The following GNG7 variants were observed in gnomAD, a reference collection of about 807,000 sequenced individuals.
GNG7 encodes the protein G protein subunit gamma 7, also known as guanine nucleotide-binding protein G(I)/G(S)/G(O) subunit gamma-7.
GNG7 carries 1 observed loss-of-function variant against 4.0 expected under a neutral mutation model. The observed-to-expected ratio is 0.25, with a 90% CI of 0.09 to 1.18. The LOEUF is 1.18. Ranked by LOEUF, GNG7 falls within the 50% of genes most tolerant of loss-of-function variation. The probability of loss-of-function intolerance (pLI) is 0.50; values close to 1 mark genes in which losing one functional copy is unlikely to be tolerated. For missense variants in GNG7, 86 were observed against 91.9 expected, an observed-to-expected ratio of 0.94 and a Z score of 0.26; for synonymous variants, 34 against 36.9, an observed-to-expected ratio of 0.92 and a Z score of 0.29.
At chr19:2,701,644 C>T (rs1024568988) in intron 1 of GNG7, among the ~76,000 whole-genome samples, 2 of 148,672 alleles carry the variant, frequency 1.3e-5, no homozygotes, top group African/African-American at 5.0e-5. Flanking sequence ...CCCCAGACAA[C>T]CTCAACATCT....
intron 2 of GNG7, among the ~76,000 whole-genome samples, chr19:2,569,026 TACACAAAA>T (rs1980060735): frequency 6.7e-6 from 1 of 149,440 alleles, no homozygotes; most frequent in Admixed American, 6.7e-5. Flanking sequence ...CAGACACATA[TACACAAAA>T]GCACAAACAT....
chr19:2,582,771 C>T (rs961982737), intron 2 of GNG7, among the ~76,000 whole-genome samples: 4 of 147,764 alleles, frequency 2.7e-5, no homozygotes, highest in Admixed American at 7.0e-5. Context: ...CACGTTCAAG[C>T]GATTCTCCTG....
At chr19:2,686,576 C>T (rs1321737430) in intron 1 of GNG7, among the ~76,000 whole-genome samples, 4 of 152,216 alleles carry the variant, frequency 2.6e-5, no homozygotes, top group Middle Eastern at 3.4e-3. Context: ...GCAACACATT[C>T]GGGACCGGCA....
At chr19:2,629,388 G>C (rs1333323216) in intron 2 of GNG7, among the ~76,000 whole-genome samples, 1 of 152,146 alleles carries the variant, frequency 6.6e-6, no homozygotes, top group Admixed American at 6.5e-5. Context: ...GTGACAGCAG[G>C]CCACGCTCTT....
In GNG7 at chr19:2,540,072, C is replaced by T. The variant is rs546402687; in HGVS notation, c.-38+15077G>A. Among the ~76,000 whole-genome samples, 4 of 109,000 alleles carry T rather than the reference C, an allele frequency of 3.7e-5. No individual in the cohort carries two copies. In the East Asian group the frequency reaches 8.7e-4, roughly 24 times the overall value. The allele number at this position is 109,000 out of a possible 152,430, so 71.5% of individuals were successfully genotyped here. On this transcript the variant is annotated intron_variant, in intron 3 of 4. Coordinates refer to ENST00000382159, the MANE Select transcript of GNG7 (RefSeq NM_052847.3). ...TCCCTCCCTTCCTTCCCTCCTCCCT[C>T]CCTCTCTCTCTCTCTCTGTTTCTTT...
intron 1 of GNG7, among the ~76,000 whole-genome samples, chr19:2,654,881 A>G (rs1982925186): frequency 6.6e-6 from 1 of 152,100 alleles, no homozygotes; most frequent in Non-Finnish European, 1.5e-5. Context: ...CACCCACTCC[A>G]TGCCAGGGGC....
intron 2 of GNG7, among the ~76,000 whole-genome samples, chr19:2,584,476 T>C (rs1456351571): frequency 6.7e-6 from 1 of 148,648 alleles, no homozygotes; most frequent in Non-Finnish European, 1.5e-5. Context: ...CATGGTGATG[T>C]GTCCCAGCTA....
intron 1 of GNG7, among the ~76,000 whole-genome samples, chr19:2,699,587 T>C (rs10412559): frequency 0.19 from 29,292 of 152,056 alleles, 3,878 homozygotes; most frequent in East Asian, 0.56. Context: ...GGAGATGAGG[T>C]CGTTAAAGGA....
intron 3 of GNG7, among the ~76,000 whole-genome samples, chr19:2,528,408 T>TA (rs1197788787): frequency 0.083 from 8,218 of 99,254 alleles, 763 homozygotes; most frequent in African/African-American, 0.26. Flanking sequence ...CTGTCTCTAC[T>TA]AAAAAAAAAA....
rs1302271920 is a variant in GNG7, at chr19:2,634,955, C to T, written c.-78+11269G>A. Among the ~76,000 whole-genome samples the T allele has an allele frequency of 2.0e-5, 3 of 151,942 alleles. No individual in the cohort carries two copies. The highest frequency in any genetic ancestry group is 6.6e-5 in the Admixed American group (1 of 15,262). On this transcript the variant is annotated intron_variant, in intron 2 of 4. Transcript: ENST00000382159. This position sits in a 1 kb window ranked among gnomAD's most constrained non-coding sequence, Gnocchi z 5.3. The stretch of plus-strand genomic sequence containing the variant: ...AAAACACACTCGGTGATCTGGAGGT[C>T]GCAAAGTTCTTCCGCACTCAGTGAG...
chr19:2,619,992 G>T (rs1981823610), intron 2 of GNG7, among the ~76,000 whole-genome samples: 1 of 151,642 alleles, frequency 6.6e-6, no homozygotes. Context: ...GAGGTCGGGA[G>T]TTCAAGACCA....
In GNG7 at chr19:2,586,984, CAAAA is replaced by C. The variant is rs756891397; in HGVS notation, c.-77-31800_-77-31797del. ...TGGGTGACAGAGCGGGACTCCATCT[CAAAA>C]AAAAAAAAAAAAAAAAAAAAAGAAT... On this transcript the variant is annotated intron_variant, in intron 2 of 4. Transcript: ENST00000382159. Among the ~76,000 whole-genome samples the C allele has an allele frequency of 1.6e-4, 8 of 48,734 alleles. No individual in the cohort carries two copies. In the East Asian group the frequency reaches 2.2e-3, roughly 14 times the overall value. The allele number at this position is 48,734 out of a possible 152,430, so 32.0% of individuals were successfully genotyped here. A position where few individuals can be genotyped will look rare whatever the true frequency, so the allele number is the denominator to read the frequency against.
chr19:2,563,662 A>G (rs901417131), intron 2 of GNG7, among the ~76,000 whole-genome samples: 6 of 152,056 alleles, frequency 3.9e-5, no homozygotes, highest in African/African-American at 1.4e-4. Flanking sequence ...TGGAATTTTT[A>G]GTAGAGATGG....
chr19:2,568,131 A>G lies in GNG7; in HGVS notation c.-77-12943T>C, dbSNP rs531073830. On this transcript the variant is annotated intron_variant, in intron 2 of 4. Coordinates refer to ENST00000382159, the MANE Select transcript of GNG7 (RefSeq NM_052847.3). ...CATGCACATACACACATATAGACAT[A>G]CACACATATACACATGCACACACAT... Among the ~76,000 whole-genome samples, 35 of 151,712 alleles carry G rather than the reference A, an allele frequency of 2.3e-4. No homozygotes were observed. In the East Asian group the frequency reaches 5.4e-3, roughly 23 times the overall value.
At position 2,518,057 on chromosome 19, in the gene GNG7, C is replaced by A. The variant is rs115497719; in HGVS notation, c.81+2551G>T. ...TGGACGACAGAAATAGCCTCCAGAC[C>A]CCGAAAATAGCTGGCATTGTGGCTC... On this transcript the variant is annotated intron_variant, in intron 4 of 4. Coordinates refer to ENST00000382159, the MANE Select transcript of GNG7 (RefSeq NM_052847.3). Among the ~76,000 whole-genome samples, 436 of 152,326 alleles carry A rather than the reference C, an allele frequency of 2.9e-3. 5 individuals carry two copies. The highest frequency in any genetic ancestry group is 9.8e-3 in the African/African-American group (407 of 41,586).
intron 1 of GNG7, among the ~76,000 whole-genome samples, chr19:2,646,714 G>C (rs72978738): frequency 0.019 from 2,888 of 151,914 alleles, 37 homozygotes; most frequent in Non-Finnish European, 0.03. Flanking sequence ...AAGGAAAAAA[G>C]CAGAAGACAA....
chr19:2,664,449 T>C (rs1983253956), intron 1 of GNG7, among the ~76,000 whole-genome samples: 1 of 152,082 alleles, frequency 6.6e-6, no homozygotes, highest in Non-Finnish European at 1.5e-5. Flanking sequence ...ACGAGACTGA[T>C]GACGGCCAGG....
chr19:2,670,126 G>C (rs1983414022), intron 1 of GNG7, among the ~76,000 whole-genome samples: 1 of 150,332 alleles, frequency 6.7e-6, no homozygotes, highest in African/African-American at 2.5e-5. Flanking sequence ...GAAACTCTCT[G>C]TCTCTCTCTC....
At chr19:2,582,165 G>GA (rs1980522506) in intron 2 of GNG7, among the ~76,000 whole-genome samples, 1 of 152,014 alleles carries the variant, frequency 6.6e-6, no homozygotes, top group Admixed American at 6.6e-5. Flanking sequence ...CGTGGAAATG[G>GA]AAAAAAGGAT....
Sources: gnomAD v4.1 joint callset for allele counts (sites outside exome capture counted in the v4.1 genomes callset) on GRCh38, gnomAD v4.1.1 for gene constraint, Gnocchi (gnomAD v3.1) non-coding constraint, MANE v1.5 for transcripts, NCBI Gene and HGNC (gene_info 2026-07-23, HGNC 2026-07-21) for gene names.